SUFU: variants seen among roughly 807,000 people sequenced by gnomAD.
SUFU encodes the protein suppressor of fused homolog.
In SUFU, 7 loss-of-function variants were observed where a neutral mutation model predicts 58.9. The ratio of observed to expected loss-of-function variants is 0.12; its 90% CI spans 0.07 to 0.22. The LOEUF is 0.22. Ranked by LOEUF, SUFU falls within the 10% of genes least tolerant of loss-of-function variation. The pLI is 1.00. For synonymous variants in SUFU, 232 were observed against 254.8 expected (o/e 0.91, Z 0.85); for missense variants, 451 against 641.3 (o/e 0.70, Z 3.20).
intron 2 of SUFU, among the ~76,000 whole-genome samples, chr10:102,513,987 C>T (rs1034945881): frequency 2.0e-5 from 3 of 152,098 alleles, no homozygotes; most frequent in Non-Finnish European, 4.4e-5. Flanking sequence ...CTGGCTCAAA[C>T]GATCCTCCTA....
At chr10:102,573,870 T>C (rs1353172342) in intron 3 of SUFU, among the ~76,000 whole-genome samples, 1 of 152,078 alleles carries the variant, frequency 6.6e-6, no homozygotes, top group South Asian at 2.1e-4. Flanking sequence ...AGAGTTTCAG[T>C]TGGGGAAGAT....
At chr10:102,579,722 A>G in intron 3 of SUFU, 1 of 564,518 alleles carries the variant, frequency 1.8e-6, no homozygotes, top group Non-Finnish European at 2.2e-6. Flanking sequence ...CTGCGTATTC[A>G]TTTCCCGTCT....
At chr10:102,505,582 G>T (rs547899023) in intron 1 of SUFU, among the ~76,000 whole-genome samples, 3 of 152,324 alleles carry the variant, frequency 2.0e-5, no homozygotes, top group South Asian at 4.1e-4. Context: ...CCTGGACATC[G>T]GTGTCAGTAG....
chr10:102,593,587 G>T (rs1421605225), intron 4 of SUFU, 49 bp from the exon 5 acceptor site: 3 of 1,591,970 alleles, frequency 1.9e-6, no homozygotes, highest in African/African-American at 1.3e-5. Context: ...CCTTCTTGGG[G>T]TGGGGGGTGG....
Position 102,631,635 on chromosome 10 carries a change from AT to A in SUFU, c.*1481del, listed in dbSNP as rs1214887110. The A allele has an allele frequency of 6.9e-5, 16 of 233,402 alleles. No individual in the cohort carries two copies. The highest frequency in any genetic ancestry group is 3.1e-4 in the African/African-American group (14 of 45,346). 14.5% of individuals were successfully genotyped at this position (233,402 alleles called of 1,614,324 possible). On this transcript the variant is annotated 3_prime_UTR_variant, in exon 12 of 12. Coordinates refer to ENST00000369902, the MANE Select transcript of SUFU (RefSeq NM_016169.4). Reference sequence around the variant, plus strand: ...GCTGCACACACAGGCACCAGCAGGGATGCCACAGGAGTGCCCACAGGGTGCA... The same window carrying A: ...GCTGCACACACAGGCACCAGCAGGGAGCCACAGGAGTGCCCACAGGGTGCA...
chr10:102,569,437 C>T (rs2063138892), intron 3 of SUFU, among the ~76,000 whole-genome samples: 1 of 152,212 alleles, frequency 6.6e-6, no homozygotes, highest in South Asian at 2.1e-4. Context: ...TGGAGGCCCA[C>T]AGGCTACTCA....
chr10:102,572,887 TTC>T, intron 3 of SUFU: 1 of 821,120 alleles, frequency 1.2e-6, no homozygotes. Flanking sequence ...ATAGAGCTTC[TTC>T]ACAGCCTATT....
intron 2 of SUFU, among the ~76,000 whole-genome samples, chr10:102,510,680 AG>A (rs1249804934): frequency 6.6e-6 from 1 of 151,968 alleles, no homozygotes; most frequent in Non-Finnish European, 1.5e-5. Flanking sequence ...AAAATTAGCC[AG>A]GCATGGTAGC....
At chr10:102,520,671 T>G (rs2135666233) in intron 2 of SUFU, among the ~76,000 whole-genome samples, 1 of 152,310 alleles carries the variant, frequency 6.6e-6, no homozygotes, top group African/African-American at 2.4e-5. Flanking sequence ...TTTTTTACTA[T>G]CTCTGTAGTT....
intron 4 of SUFU, 86 bp from the exon 5 acceptor site, chr10:102,593,550 G>C: frequency 7.5e-7 from 1 of 1,333,040 alleles, no homozygotes; most frequent in Non-Finnish European, 1.1e-6. Flanking sequence ...CCCAACTGGA[G>C]GTGACTCAGA....
In SUFU at chr10:102,504,306, C is replaced by T; in HGVS notation, c.154C>T (p.Leu52Phe). The change falls in exon 1 of 12, where the codon CTC becomes TTC. Residue 52 changes from leucine to phenylalanine, a missense_variant. Coordinates refer to ENST00000369902, the MANE Select transcript of SUFU (RefSeq NM_016169.4). ...RRLYPDQPNPLQVTAIVKYWL... is the reference protein window; with the variant it reads ...RRLYPDQPNPFQVTAIVKYWL... ...CCTTTACCCTGACCAGCCGAACCCG[C>T]TCCAGGTTACCGCTATCGTCAAGTA... is the stretch of plus-strand genomic sequence containing the variant. 2 of 1,614,170 alleles carry T rather than the reference C, an allele frequency of 1.2e-6. No homozygotes were observed.
chr10:102,509,044 T>C lies in SUFU; in HGVS notation c.183-125T>C, dbSNP rs532236967. On this transcript the variant is annotated intron_variant, in intron 1 of 11. Coordinates refer to ENST00000369902, the MANE Select transcript of SUFU (RefSeq NM_016169.4). ...TCATTCTGGAGAGATGTGGCCTCTG[T>C]TTAGTTACCTTTCACCCAGGTTCCT... 3.4e-4 allele frequency: 461 copies of C among 1,356,630 alleles called. 4 individuals carry two copies. Among genetic ancestry groups the C allele is most frequent in the East Asian group, 3.4e-3 (147 of 43,590 alleles). The allele number at this position is 1,356,630 out of a possible 1,614,324, so 84.0% of individuals were successfully genotyped here.
At position 102,504,201 on chromosome 10, in the gene SUFU, G is replaced by A; in HGVS notation, c.49G>A (p.Ala17Thr). The change falls in exon 1 of 12, where the codon GCC (alanine) becomes ACC (threonine). Residue 17 changes from alanine (A) to threonine (T), a missense_variant. Physicochemically the swap from Ala to Thr is moderately conservative, Grantham distance 58 (BLOSUM62 0). Coordinates refer to ENST00000369902, the MANE Select transcript of SUFU (RefSeq NM_016169.4). ...CGCCCCCGGCCCCACCGCGCCCCCG[G>A]CCCCTGGCCCGACTGCCCCCCCGGC... ...SGAPGPTAPP[A>T]PGPTAPPAFA... The A allele has an allele frequency of 1.3e-6, 2 of 1,581,512 alleles. No individual in the cohort carries two copies. Among genetic ancestry groups the A allele is most frequent in the Non-Finnish European group, 1.7e-6 (2 of 1,164,348 alleles).
At chr10:102,520,509 C>T (rs893492801) in intron 2 of SUFU, among the ~76,000 whole-genome samples, 14 of 152,136 alleles carry the variant, frequency 9.2e-5, no homozygotes, top group African/African-American at 2.9e-4. Flanking sequence ...CGTGAGCCAC[C>T]GTGCCTGGCC....
In SUFU at chr10:102,617,906, T is replaced by C. The variant is rs972481572; in HGVS notation, c.1296+478T>C. 7 of 258,866 alleles carry C rather than the reference T, an allele frequency of 2.7e-5. No homozygotes were observed. Among genetic ancestry groups the C allele is most frequent in the African/African-American group, 1.3e-4 (6 of 45,270 alleles). 16.0% of individuals were successfully genotyped at this position (258,866 alleles called of 1,614,324 possible). ...CTCAGTGGGAAGAGCCTCCCCTTCTTAGCCTACCCCCATCTGACAGCCCTC... is the reference window on the plus strand; with the variant it reads ...CTCAGTGGGAAGAGCCTCCCCTTCTCAGCCTACCCCCATCTGACAGCCCTC... On this transcript the variant is annotated intron_variant, in intron 10 of 11. Transcript: ENST00000369902. This position sits in a 1 kb window ranked among gnomAD's most constrained non-coding sequence, Gnocchi z 4.4.
At chr10:102,531,958 A>AT (rs2062682204) in intron 2 of SUFU, among the ~76,000 whole-genome samples, 1 of 126,816 alleles carries the variant, frequency 7.9e-6, no homozygotes, top group African/African-American at 3.1e-5. Context: ...TCCTGTGAGA[A>AT]CTTTTTTTTT....
intron 8 of SUFU, among the ~76,000 whole-genome samples, chr10:102,603,644 T>C (rs2063535608): frequency 6.6e-6 from 1 of 152,244 alleles, no homozygotes; most frequent in African/African-American, 2.4e-5. Flanking sequence ...TTTTTTGCCT[T>C]AATTTCATGG....
chr10:102,569,372 C>G (rs1267808933), intron 3 of SUFU, among the ~76,000 whole-genome samples: 1 of 152,144 alleles, frequency 6.6e-6, no homozygotes, highest in Non-Finnish European at 1.5e-5. Flanking sequence ...ACTCTTCCCA[C>G]TCTTGATAGC....
chr10:102,562,870 GAC>G (rs1442642367), intron 3 of SUFU, among the ~76,000 whole-genome samples: 2 of 152,186 alleles, frequency 1.3e-5, no homozygotes, highest in African/African-American at 4.8e-5. Context: ...TAGCCTGGGC[GAC>G]AGAGTGAGAC....
Sources: allele counts gnomAD v4.1 joint callset (sites outside exome capture counted in the v4.1 genomes callset), GRCh38; gene constraint gnomAD v4.1.1; non-coding constraint Gnocchi (gnomAD v3.1); transcripts MANE v1.5; gene names NCBI Gene and HGNC (gene_info 2026-07-23, HGNC 2026-07-21).